CUX1: variants seen among roughly 807,000 people sequenced by gnomAD.
The protein encoded by CUX1 is protein CASP.
CUX1 carries 31 observed loss-of-function variants against 158.8 expected under a neutral mutation model. The observed-to-expected ratio is 0.20, with a 90% CI of 0.15 to 0.26. The LOEUF (loss-of-function observed/expected upper bound fraction) is 0.26, where lower values mean the gene tolerates loss of function less well. CUX1 is among the 10% of genes least tolerant of loss of function. CUX1 has a pLI of 1.00. For synonymous variants in CUX1, 879 were observed against 862.1 expected, an observed-to-expected ratio of 1.02 and a Z score of -0.34; for missense variants, 1,589 against 2,014.6, an observed-to-expected ratio of 0.79 and a Z score of 4.04.
In CUX1 at chr7:102,248,303, A is replaced by T. The variant is rs1353626314; in HGVS notation, c.3888-109A>T. On this transcript the variant is annotated intron_variant, in intron 23 of 23. Coordinates refer to ENST00000292535, the MANE Select transcript of CUX1 (RefSeq NM_181552.4). This position sits in a 1 kb window ranked among gnomAD's most constrained non-coding sequence, Gnocchi z 5.8. ...GCTGGAGGGGCACGGAGGGGCCTCC[A>T]GGCTGGACGGAGCAGGAGCCCCAGA... is the stretch of plus-strand genomic sequence containing the variant. The T allele has an allele frequency of 1.9e-6, 2 of 1,073,120 alleles. No homozygotes were observed. The highest frequency in any genetic ancestry group is 3.0e-5 in the East Asian group (1 of 32,890). 66.5% of individuals were successfully genotyped at this position (1,073,120 alleles called of 1,614,324 possible). A position where few individuals can be genotyped will look rare whatever the true frequency, so the allele number is the denominator to read the frequency against.
At chr7:101,901,977 G>A (rs996531214) in intron 1 of CUX1, among the ~76,000 whole-genome samples, 2 of 152,210 alleles carry the variant, frequency 1.3e-5, no homozygotes, top group African/African-American at 4.8e-5. Flanking sequence ...ACTTTAGGAG[G>A]AAAACATTTT....
chr7:102,100,865 T>G (rs201471), intron 5 of CUX1, among the ~76,000 whole-genome samples: 94,703 of 151,892 alleles, frequency 0.62, 31,137 homozygotes, highest in African/African-American at 0.79. Flanking sequence ...AATACCTTAG[T>G]CTGGGTAATT....
In CUX1 at chr7:102,196,904, A is replaced by C. The variant is rs1563389001; in HGVS notation, c.1493A>C (p.Gln498Pro). ...LMQSFYSKAM[Q>P]EAGSTSMIFS... ...CAGTCCTTCTACTCCAAGGCTATGC[A>C]GGAAGCCGGAAGCACAAGCATGATT... Residue 498 changes from glutamine (Q) to proline (P), a missense_variant, in exon 15 of 24, where the codon CAG (glutamine) becomes CCG (proline). Gln to Pro is a moderately conservative substitution (Grantham distance 76). Around this residue, in one of 8 missense-constraint regions of CUX1, gnomAD observed 515 missense variants for 574.4 expected, o/e 0.90. Coordinates refer to ENST00000292535, the MANE Select transcript of CUX1 (RefSeq NM_181552.4). The C allele has an allele frequency of 1.2e-6, 2 of 1,614,214 alleles. No homozygotes were observed. Among genetic ancestry groups the C allele is most frequent in the Non-Finnish European group, 1.7e-6 (2 of 1,180,038 alleles).
intron 20 of CUX1, among the ~76,000 whole-genome samples, chr7:102,281,089 C>A (rs1792032234): frequency 1.3e-5 from 2 of 152,204 alleles, no homozygotes. Context: ...AGAATTCCTG[C>A]AGCCTAGAGT....
chr7:101,885,700 G>T (rs899402519), intron 1 of CUX1, among the ~76,000 whole-genome samples: 1 of 152,218 alleles, frequency 6.6e-6, no homozygotes, highest in African/African-American at 2.4e-5. Flanking sequence ...AGCAGGCATG[G>T]CCTCGGACGA....
intron 6 of CUX1, among the ~76,000 whole-genome samples, chr7:102,105,701 T>TG (rs1290170375): frequency 2.6e-5 from 4 of 151,918 alleles, no homozygotes; most frequent in East Asian, 3.9e-4. Flanking sequence ...TTAGTAGAGT[T>TG]GGGGTTTCAC....
At chr7:101,981,817 GC>G (rs1361156119) in intron 2 of CUX1, among the ~76,000 whole-genome samples, 1 of 152,084 alleles carries the variant, frequency 6.6e-6, no homozygotes, top group Non-Finnish European at 1.5e-5. Flanking sequence ...CACCATGTTG[GC>G]CAGGCTGGTT....
chr7:102,159,492 C>A (rs544458103), intron 9 of CUX1, among the ~76,000 whole-genome samples: 1 of 152,202 alleles, frequency 6.6e-6, no homozygotes, highest in Non-Finnish European at 1.5e-5. Context: ...TCCCCAAAAC[C>A]CCTTCCTCCC....
At chr7:101,954,848 A>G (rs1313027576) in intron 2 of CUX1, among the ~76,000 whole-genome samples, 1 of 151,982 alleles carries the variant, frequency 6.6e-6, no homozygotes, top group East Asian at 1.9e-4. Context: ...GATGCATTAC[A>G]TAGAAATATT....
intron 2 of CUX1, among the ~76,000 whole-genome samples, chr7:101,974,667 G>C (rs1245377046): frequency 2.6e-5 from 4 of 152,184 alleles, no homozygotes; most frequent in Non-Finnish European, 5.9e-5. Context: ...TTGTATCACA[G>C]AGAAGAGCGC....
intron 1 of CUX1, among the ~76,000 whole-genome samples, chr7:101,829,293 G>C (rs909104543): frequency 6.6e-6 from 1 of 152,186 alleles, no homozygotes; most frequent in African/African-American, 2.4e-5. Flanking sequence ...CATATCTACA[G>C]TTTTACATCC....
chr7:101,985,630 G>A (rs1211261404), intron 2 of CUX1, among the ~76,000 whole-genome samples: 2 of 152,164 alleles, frequency 1.3e-5, no homozygotes, highest in African/African-American at 4.8e-5. Context: ...GCCACTTTGG[G>A]GGAAGTTTCC....
chr7:102,004,189 G>A (rs1817051868), intron 2 of CUX1, among the ~76,000 whole-genome samples: 1 of 152,176 alleles, frequency 6.6e-6, no homozygotes, highest in Non-Finnish European at 1.5e-5. Context: ...GAGCCCGGCT[G>A]TTACCACATG....
intron 1 of CUX1, among the ~76,000 whole-genome samples, chr7:101,911,022 T>TC (rs966273869): frequency 2.0e-5 from 3 of 152,244 alleles, no homozygotes; most frequent in Non-Finnish European, 2.9e-5. Context: ...AAAACAGGAT[T>TC]CCAGCTATCC....
In CUX1 at chr7:101,817,776, G is replaced by A. The variant is rs1792039874; in HGVS notation, c.30+107G>A. ...GCTTAGAATGCTCTAGGGCGGCCTG[G>A]TGCTCTGGGAGGGGATAGGAGGGTT... On this transcript the variant is annotated intron_variant, in intron 1 of 23. Coordinates refer to ENST00000292535, the MANE Select transcript of CUX1 (RefSeq NM_181552.4). This position sits in a 1 kb window ranked among gnomAD's most constrained non-coding sequence, Gnocchi z 4.1. 8 of 1,397,604 alleles carry A rather than the reference G, an allele frequency of 5.7e-6. No individual in the cohort carries two copies. Among genetic ancestry groups the A allele is most frequent in the African/African-American group, 1.4e-5 (1 of 69,728 alleles). The allele number at this position is 1,397,604 out of a possible 1,614,324, so 86.6% of individuals were successfully genotyped here.
chr7:102,250,811 C>T lies in CUX1; in HGVS notation c.*1769C>T. 1.0e-6 allele frequency: 1 copy of T among 985,266 alleles called. No homozygotes were observed. The highest frequency in any genetic ancestry group is 1.7e-5 in the African/African-American group (1 of 57,280). The allele number at this position is 985,266 out of a possible 1,614,324, so 61.0% of individuals were successfully genotyped here. On this transcript the variant is annotated 3_prime_UTR_variant, in exon 24 of 24. Coordinates refer to ENST00000292535, the MANE Select transcript of CUX1 (RefSeq NM_181552.4). ...GCGTGTGCGTGTGTGCAATTTTATA[C>T]GTCTGTGTATTTTCTTAAGTACCTG...
intron 23 of CUX1, among the ~76,000 whole-genome samples, chr7:102,239,969 A>T (rs1800012754): frequency 6.6e-6 from 1 of 151,928 alleles, no homozygotes; most frequent in Admixed American, 6.6e-5. Context: ...CTTGTCTCAA[A>T]CATCCTGACC....
chr7:101,846,553 C>T (rs1795707443), intron 1 of CUX1, among the ~76,000 whole-genome samples: 1 of 152,086 alleles, frequency 6.6e-6, no homozygotes, highest in Admixed American at 6.6e-5. Context: ...GTCTTGAACT[C>T]TTTGGCCTCA....
chr7:102,189,398 A>ATT (rs1563376311), intron 11 of CUX1, among the ~76,000 whole-genome samples: 23,835 of 100,050 alleles, frequency 0.24, 2,692 homozygotes, highest in Non-Finnish European at 0.3. Context: ...TTTTTTTTAA[A>ATT]AAAAAAAGAG....
Sources: allele counts gnomAD v4.1 joint callset (sites outside exome capture counted in the v4.1 genomes callset), GRCh38; gene constraint gnomAD v4.1.1; regional missense constraint gnomAD v4.1.1; non-coding constraint Gnocchi (gnomAD v3.1); transcripts MANE v1.5; gene names NCBI Gene and HGNC (gene_info 2026-07-23, HGNC 2026-07-21).